The following LNPK variants were observed in gnomAD, a reference collection of about 807,000 sequenced individuals.
The protein encoded by LNPK is endoplasmic reticulum junction formation protein lunapark.
In LNPK, 29 loss-of-function variants were observed where a neutral mutation model predicts 55.2. The observed-to-expected ratio is 0.53, with a 90% CI of 0.39 to 0.72. The LOEUF (loss-of-function observed/expected upper bound fraction) is 0.72. Ranked by LOEUF, LNPK falls within the 30% of genes least tolerant of loss-of-function variation. LNPK has a pLI of 0.00. For synonymous variants in LNPK, 162 were observed against 168.2 expected (o/e 0.96, Z 0.29); for missense variants, 467 against 494.8 (o/e 0.94, Z 0.53).
chr2:175,947,405 C>T (rs886528559), intron 9 of LNPK, 75 bp downstream of exon 9: 8 of 1,236,344 alleles, frequency 6.5e-6, no homozygotes, highest in Non-Finnish European at 8.1e-6. Flanking sequence ...TTCCATACCA[C>T]CTGAAAATGG....
intron 8 of LNPK, among the ~76,000 whole-genome samples, chr2:175,957,951 C>A (rs181980115): frequency 6.6e-6 from 1 of 152,312 alleles, no homozygotes; most frequent in East Asian, 1.9e-4. Context: ...GAGCCTTGCT[C>A]ACTGCTGGCA....
rs1000429737 is a variant in LNPK, at chr2:175,928,525, A to C, written c.*1442T>G. 7 of 151,870 alleles carry C rather than the reference A, an allele frequency of 4.6e-5. No homozygotes were observed. The highest frequency in any genetic ancestry group is 1.7e-4 in the African/African-American group (7 of 41,390). The allele number at this position is 151,870 out of a possible 1,614,324, so 9.4% of individuals were successfully genotyped here. ...ATTGAGTTCCAAAAAAAAAAAAAAA[A>C]AAAAACTGTCACATATGAGATATTA... On this transcript the variant is annotated 3_prime_UTR_variant, in exon 13 of 13. Transcript: ENST00000272748.
intron 1 of LNPK, among the ~76,000 whole-genome samples, chr2:175,995,875 G>A (rs1314717281): frequency 3.8e-5 from 5 of 132,972 alleles, no homozygotes; most frequent in Non-Finnish European, 6.2e-5. Flanking sequence ...GTGCAGTGGC[G>A]AGATCTCAAC....
intron 5 of LNPK, among the ~76,000 whole-genome samples, chr2:175,973,060 T>C (rs1469343060): frequency 2.0e-5 from 3 of 151,908 alleles, no homozygotes; most frequent in African/African-American, 7.3e-5. Flanking sequence ...TAAAAAAAAT[T>C]ACTTGTCATT....
intron 4 of LNPK, among the ~76,000 whole-genome samples, chr2:175,988,419 C>G (rs1284233060): frequency 2.8e-5 from 4 of 140,640 alleles, no homozygotes; most frequent in African/African-American, 1.1e-4. Flanking sequence ...AGCTGAGGCA[C>G]AAGAATTGCT....
intron 1 of LNPK, among the ~76,000 whole-genome samples, chr2:175,998,609 T>TG (rs1688048697): frequency 6.6e-6 from 1 of 152,138 alleles, no homozygotes; most frequent in African/African-American, 2.4e-5. Context: ...ATATGTAAAA[T>TG]ATATGAAACC....
At chr2:175,993,525 C>T (rs1287221757) in intron 2 of LNPK, among the ~76,000 whole-genome samples, 3 of 152,090 alleles carry the variant, frequency 2.0e-5, no homozygotes, top group African/African-American at 7.2e-5. Context: ...TAGAAAGAAA[C>T]AAATTTTGGC....
At chr2:176,001,908 G>C (rs1403701237) in intron 1 of LNPK, among the ~76,000 whole-genome samples, 2 of 152,196 alleles carry the variant, frequency 1.3e-5, no homozygotes, top group Non-Finnish European at 2.9e-5. Context: ...GGGGAAACAA[G>C]GGTTTCAAGA....
intron 6 of LNPK, among the ~76,000 whole-genome samples, chr2:175,965,565 C>T (rs1686283828): frequency 6.6e-6 from 1 of 151,964 alleles, no homozygotes; most frequent in South Asian, 2.1e-4. Context: ...AAAATGCAAC[C>T]CAAAGCACAT....
chr2:175,955,605 T>A (rs1685654344), intron 8 of LNPK, among the ~76,000 whole-genome samples: 2 of 152,218 alleles, frequency 1.3e-5, no homozygotes, highest in South Asian at 4.1e-4. Context: ...GGCAAATTTA[T>A]TAAGGTGAAT....
intron 4 of LNPK, among the ~76,000 whole-genome samples, chr2:175,982,745 C>T (rs556940380): frequency 3.6e-4 from 55 of 152,166 alleles, no homozygotes; most frequent in African/African-American, 1.2e-3. Context: ...TACTTCAGGA[C>T]TCTGTTTTAG....
Position 175,929,224 on chromosome 2 carries a change from T to G in LNPK, c.*743A>C. ...TTATAAATAATGCTCAGAATTCAAA[T>G]AGGGTCAAGTGCAGAAATATTTCCT... On this transcript the variant is annotated 3_prime_UTR_variant, in exon 13 of 13. Transcript: ENST00000272748. 2 of 956,368 alleles carry G rather than the reference T, an allele frequency of 2.1e-6. No individual in the cohort carries two copies. The highest frequency in any genetic ancestry group is 2.5e-6 in the Non-Finnish European group (2 of 803,200). The allele number at this position is 956,368 out of a possible 1,614,324, so 59.2% of individuals were successfully genotyped here. A position where few individuals can be genotyped will look rare whatever the true frequency, so the allele number is the denominator to read the frequency against.
In LNPK at chr2:175,927,571, T is replaced by C. The variant is rs550479781; in HGVS notation, c.*2396A>G. 6.6e-6 allele frequency: 1 copy of C among 152,308 alleles called. No homozygotes were observed. The highest frequency in any genetic ancestry group is 2.1e-4 in the South Asian group (1 of 4,824). 9.4% of individuals were successfully genotyped at this position (152,308 alleles called of 1,614,324 possible). On this transcript the variant is annotated 3_prime_UTR_variant, in exon 13 of 13. Coordinates refer to ENST00000272748, the MANE Select transcript of LNPK (RefSeq NM_030650.3). ...GTTCCATATGGCTACAGCACAATGA[T>C]GGCGGGAAGACGGAGAGACAGAAGC... is the stretch of plus-strand genomic sequence containing the variant.
chr2:175,935,299 T>C (rs1252493461), intron 12 of LNPK, among the ~76,000 whole-genome samples: 1 of 152,176 alleles, frequency 6.6e-6, no homozygotes, highest in Non-Finnish European at 1.5e-5. Context: ...CTCAAGTATC[T>C]ACATCATTTA....
chr2:175,982,622 T>C (rs978275413), intron 4 of LNPK, among the ~76,000 whole-genome samples: 6 of 152,190 alleles, frequency 3.9e-5, no homozygotes, highest in Non-Finnish European at 7.4e-5. Context: ...CTTGAACTCC[T>C]GGCCTCAAGT....
rs1385489203 is a variant in LNPK, at chr2:175,930,131, G to C, written c.1123C>G (p.Gln375Glu). ...GCTTTTTCAATCACTTGGTTTGTCT[G>C]TTCTGTAGCTGGTATTTTGTCATCT... ...QTDDKIPATEQTNQVIEKASD... is the reference protein window; with the variant it reads ...QTDDKIPATEETNQVIEKASD... The change falls in exon 13 of 13, where the codon CAG becomes GAG. Residue 375 changes from glutamine (Q) to glutamate (E), a missense_variant. By Grantham distance (29) the Gln-to-Glu change is conservative. Coordinates refer to ENST00000272748, the MANE Select transcript of LNPK (RefSeq NM_030650.3). 1 of 1,613,506 alleles carries C rather than the reference G, an allele frequency of 6.2e-7. No individual in the cohort carries two copies. The highest frequency in any genetic ancestry group is 1.3e-5 in the African/African-American group (1 of 74,850).
chr2:175,953,022 TCA>T (rs1158103761), intron 8 of LNPK, among the ~76,000 whole-genome samples: 1 of 152,170 alleles, frequency 6.6e-6, no homozygotes. Flanking sequence ...GCTAAAATTC[TCA>T]CAGTAAAATA....
At chr2:176,001,240 A>T (rs1559081910) in intron 1 of LNPK, among the ~76,000 whole-genome samples, 1 of 152,172 alleles carries the variant, frequency 6.6e-6, no homozygotes, top group Non-Finnish European at 1.5e-5. Flanking sequence ...CCTGAAACCA[A>T]GCTTACTCAC....
chr2:175,956,046 G>A (rs1034413013), intron 8 of LNPK, among the ~76,000 whole-genome samples: 3 of 152,172 alleles, frequency 2.0e-5, no homozygotes, highest in East Asian at 1.9e-4. Context: ...TTGGGAGGCC[G>A]AGGCTGATGG....
Sources: gnomAD v4.1 joint callset for allele counts (sites outside exome capture counted in the v4.1 genomes callset) on GRCh38, gnomAD v4.1.1 for gene constraint, MANE v1.5 for transcripts, NCBI Gene and HGNC (gene_info 2026-07-23, HGNC 2026-07-21) for gene names.